The following ADAMTS20 variants were observed in gnomAD, a reference collection of about 807,000 sequenced individuals.
The protein encoded by ADAMTS20 is ADAM metallopeptidase with thrombospondin type 1 motif 20, also known as A disintegrin and metalloproteinase with thrombospondin motifs 20.
Under a neutral mutation model 260.1 loss-of-function variants are expected in ADAMTS20, and 225 were observed. The ratio of observed to expected loss-of-function variants is 0.87; its 90% CI spans 0.78 to 0.97. The LOEUF (loss-of-function observed/expected upper bound fraction) is 0.97, where lower values mean the gene tolerates loss of function less well. Among genes scored for constraint, ADAMTS20 ranks in the 50% least tolerant of loss-of-function variants. The probability of loss-of-function intolerance (pLI) is 0.00; values close to 1 mark genes in which losing one functional copy is unlikely to be tolerated. For missense variants in ADAMTS20, 2,400 were observed against 2,337.7 expected (o/e 1.03, Z -0.55); for synonymous variants, 802 against 769.5 (o/e 1.04, Z -0.70).
chr12:43,528,088 A>G (rs1943167072), intron 3 of ADAMTS20, among the ~76,000 whole-genome samples: 1 of 152,042 alleles, frequency 6.6e-6, no homozygotes, highest in East Asian at 1.9e-4. Flanking sequence ...CCCTTTTACA[A>G]TAGCTGCAAA....
At chr12:43,524,213 C>G (rs1943110985) in intron 3 of ADAMTS20, among the ~76,000 whole-genome samples, 1 of 151,706 alleles carries the variant, frequency 6.6e-6, no homozygotes, top group Non-Finnish European at 1.5e-5. Flanking sequence ...CTACAACCAG[C>G]ATCTGAGAAA....
intron 9 of ADAMTS20, among the ~76,000 whole-genome samples, chr12:43,465,930 T>C (rs1215405823): frequency 6.6e-6 from 1 of 152,094 alleles, no homozygotes; most frequent in Non-Finnish European, 1.5e-5. Flanking sequence ...CTGATGATAA[T>C]TGATGATTTA....
At chr12:43,541,181 G>A (rs1189803561) in intron 2 of ADAMTS20, among the ~76,000 whole-genome samples, 1 of 152,062 alleles carries the variant, frequency 6.6e-6, no homozygotes, top group Non-Finnish European at 1.5e-5. Flanking sequence ...CTGAAGTGTT[G>A]ACTAAAATAC....
chr12:43,365,856 G>A (rs1939973149), intron 37 of ADAMTS20, among the ~76,000 whole-genome samples: 1 of 151,818 alleles, frequency 6.6e-6, no homozygotes, highest in African/African-American at 2.4e-5. Flanking sequence ...GATATATATT[G>A]TAAGCCTTTG....
At chr12:43,461,324 T>C (rs575458975) in intron 11 of ADAMTS20, among the ~76,000 whole-genome samples, 1 of 152,070 alleles carries the variant, frequency 6.6e-6, no homozygotes, top group South Asian at 2.1e-4. Context: ...AGAAATGTTC[T>C]CATTTTTATT....
chr12:43,401,674 C>T (rs144687891), intron 28 of ADAMTS20, among the ~76,000 whole-genome samples: 2 of 151,390 alleles, frequency 1.3e-5, no homozygotes, highest in Non-Finnish European at 3.0e-5. Context: ...TGTCATTGAA[C>T]ATAATTTAAA....
At chr12:43,472,280 T>C (rs1275115895) in intron 7 of ADAMTS20, among the ~76,000 whole-genome samples, 2 of 151,874 alleles carry the variant, frequency 1.3e-5, no homozygotes, top group African/African-American at 4.8e-5. Context: ...AAGGGAAGTT[T>C]ACAGAAAAAA....
intron 28 of ADAMTS20, among the ~76,000 whole-genome samples, chr12:43,411,386 A>T (rs1282964424): frequency 6.7e-6 from 1 of 149,702 alleles, no homozygotes; most frequent in Non-Finnish European, 1.5e-5. Flanking sequence ...TTGTTTTTTC[A>T]GACAAAGTTT....
chr12:43,544,231 T>A lies in ADAMTS20; in HGVS notation c.453+6678A>T, dbSNP rs552809317. Among the ~76,000 whole-genome samples, 19 of 152,260 alleles carry A rather than the reference T, an allele frequency of 1.2e-4. No individual in the cohort carries two copies. In the East Asian group the frequency reaches 3.5e-3, roughly 28 times the overall value. On this transcript the variant is annotated intron_variant, in intron 2 of 38. Transcript: ENST00000389420. ...TTAACTTAGGTATCATCGGAAGAGA[T>A]TTAGTAAATACAGAATTTCTTAAAT...
intron 7 of ADAMTS20, among the ~76,000 whole-genome samples, chr12:43,486,149 G>A (rs572837823): frequency 6.6e-6 from 1 of 152,112 alleles, no homozygotes; most frequent in South Asian, 2.1e-4. Flanking sequence ...GAATAAACCT[G>A]GAAGCAACAC....
At chr12:43,483,292 G>A (rs1297219934) in intron 7 of ADAMTS20, among the ~76,000 whole-genome samples, 1 of 152,136 alleles carries the variant, frequency 6.6e-6, no homozygotes, top group African/African-American at 2.4e-5. Context: ...TAGGGGGAAG[G>A]GGAGTGTTCC....
intron 29 of ADAMTS20, among the ~76,000 whole-genome samples, chr12:43,394,039 T>C (rs1441331993): frequency 6.6e-6 from 1 of 152,092 alleles, no homozygotes; most frequent in Non-Finnish European, 1.5e-5. Context: ...CCTAATTTCA[T>C]GTGAGAAAGT....
chr12:43,528,347 G>GAAA (rs1565583137), intron 3 of ADAMTS20, among the ~76,000 whole-genome samples: 5 of 2,306 alleles, frequency 2.2e-3, no homozygotes, highest in African/African-American at 3.8e-3. Context: ...GCAATCCTAA[G>GAAA]CAAAAAAAAA....
At position 43,552,030 on chromosome 12, in the gene ADAMTS20, G is replaced by A; in HGVS notation, c.-109C>T. The A allele has an allele frequency of 3.2e-6, 3 of 931,524 alleles. No individual in the cohort carries two copies. The highest frequency in any genetic ancestry group is 5.1e-6 in the Non-Finnish European group (3 of 591,128). 57.7% of individuals were successfully genotyped at this position (931,524 alleles called of 1,614,324 possible). A position where few individuals can be genotyped will look rare whatever the true frequency, so the allele number is the denominator to read the frequency against. ...TCCTCCCTCTCGCCCGCCGCTCTCC[G>A]CGCCTCAGCAGCCTAGGGAACAGCA... On this transcript the variant is annotated 5_prime_UTR_variant, in exon 1 of 39. Transcript: ENST00000389420.
intron 3 of ADAMTS20, among the ~76,000 whole-genome samples, chr12:43,527,697 A>G (rs1943161916): frequency 1.3e-5 from 2 of 152,180 alleles, no homozygotes; most frequent in African/African-American, 4.8e-5. Context: ...TCAAAATAAT[A>G]AAAGCCATAT....
chr12:43,379,575 C>A (rs886796899), intron 31 of ADAMTS20, among the ~76,000 whole-genome samples: 1 of 152,180 alleles, frequency 6.6e-6, no homozygotes, highest in African/African-American at 2.4e-5. Flanking sequence ...AACCCCCCAA[C>A]ACACAGTACC....
chr12:43,443,741 G>A (rs756445008), intron 16 of ADAMTS20, 50 bp downstream of exon 16: 1 of 1,434,116 alleles, frequency 7.0e-7, no homozygotes, highest in Non-Finnish European at 9.8e-7. Context: ...AGACTTCCAT[G>A]AAATTGCACA....
intron 3 of ADAMTS20, among the ~76,000 whole-genome samples, chr12:43,508,665 T>G (rs967245557): frequency 2.0e-5 from 3 of 152,132 alleles, no homozygotes; most frequent in Non-Finnish European, 4.4e-5. Flanking sequence ...ATGGGGTACA[T>G]GAGATATTTT....
At chr12:43,438,683 G>T (rs1941602724) in intron 18 of ADAMTS20, among the ~76,000 whole-genome samples, 3 of 152,076 alleles carry the variant, frequency 2.0e-5, no homozygotes, top group Admixed American at 6.6e-5. Flanking sequence ...GCCTCTTGCT[G>T]CCCACTTTCT....
Sources: gnomAD v4.1 joint callset for allele counts (sites outside exome capture counted in the v4.1 genomes callset) on GRCh38, gnomAD v4.1.1 for gene constraint, MANE v1.5 for transcripts, NCBI Gene and HGNC (gene_info 2026-07-23, HGNC 2026-07-21) for gene names.